FBXL13: variants seen among roughly 807,000 people sequenced by gnomAD.
FBXL13 encodes F-box and leucine rich repeat protein 13.
A neutral mutation model predicts 83.6 loss-of-function variants in FBXL13; 67 were observed. That is an observed-to-expected ratio of 0.80 (90% CI 0.66 to 0.98). FBXL13 has a LOEUF of 0.98. Among genes scored for constraint, FBXL13 ranks in the 50% least tolerant of loss-of-function variants. FBXL13 has a pLI of 0.00. For synonymous variants in FBXL13, 272 were observed against 299.5 expected (o/e 0.91, Z 0.95); for missense variants, 822 against 866.5 (o/e 0.95, Z 0.64).
chr7:102,884,499 A>G (rs1810535143), intron 11 of FBXL13, among the ~76,000 whole-genome samples, 187 bp from the exon 13 acceptor site: 1 of 152,198 alleles, frequency 6.6e-6, no homozygotes, highest in African/African-American at 2.4e-5. Flanking sequence ...TTATCGAGGT[A>G]AAATTTATAT....
At chr7:102,967,044 A>T (rs569739384) in intron 7 of FBXL13, among the ~76,000 whole-genome samples, 2 of 151,760 alleles carry the variant, frequency 1.3e-5, no homozygotes, top group East Asian at 3.9e-4. Flanking sequence ...ATCTTGGCTC[A>T]TTGCAACCTC....
chr7:102,879,904 C>T (rs1809793535), intron 14 of FBXL13, among the ~76,000 whole-genome samples: 1 of 152,138 alleles, frequency 6.6e-6, no homozygotes, highest in Non-Finnish European at 1.5e-5. Context: ...GACGGGGTTT[C>T]ACCATGTTAG....
intron 5 of FBXL13, among the ~76,000 whole-genome samples, chr7:103,027,071 A>T (rs572756704): frequency 6.6e-6 from 1 of 152,282 alleles, no homozygotes; most frequent in East Asian, 1.9e-4. Context: ...AGGCGGGCAG[A>T]TCACCTGAGG....
intron 8 of FBXL13, among the ~76,000 whole-genome samples, chr7:102,942,954 C>G (rs1483279255): frequency 2.0e-5 from 3 of 152,044 alleles, no homozygotes; most frequent in African/African-American, 4.8e-5. Context: ...ACAGATAACC[C>G]AGGTGTAGAT....
At chr7:103,052,675 A>G (rs1796937938) in intron 2 of FBXL13, among the ~76,000 whole-genome samples, 1 of 152,124 alleles carries the variant, frequency 6.6e-6, no homozygotes, top group Non-Finnish European at 1.5e-5. Flanking sequence ...GCAAACTGTC[A>G]TAACTCTAAG....
chr7:102,812,654 T>TA (rs1797493962), downstream of FBXL13, among the ~76,000 whole-genome samples: 1 of 152,170 alleles, frequency 6.6e-6, no homozygotes, highest in Admixed American at 6.5e-5. Context: ...CTCAAACTCT[T>TA]AGTTTGACAT....
chr7:102,867,957 C>T (rs976306293), intron 16 of FBXL13, among the ~76,000 whole-genome samples: 3 of 151,710 alleles, frequency 2.0e-5, no homozygotes, highest in African/African-American at 7.3e-5. Context: ...CCACCTCGGC[C>T]TCCCAAAGTG....
chr7:102,849,415 T>C (rs964548853), intron 17 of FBXL13, among the ~76,000 whole-genome samples: 2 of 152,220 alleles, frequency 1.3e-5, no homozygotes, highest in Non-Finnish European at 2.9e-5. Flanking sequence ...TTTTTTATTC[T>C]TATTATGTTC....
chr7:102,970,207 T>A (rs1826471438), intron 6 of FBXL13, among the ~76,000 whole-genome samples: 1 of 150,458 alleles, frequency 6.6e-6, no homozygotes. Context: ...GCCATGGTCA[T>A]GCGACTGCAC....
chr7:102,967,334 ACG>A (rs1826085628), intron 7 of FBXL13, among the ~76,000 whole-genome samples: 1 of 148,692 alleles, frequency 6.7e-6, no homozygotes, highest in African/African-American at 2.5e-5. Flanking sequence ...GTGCAGTGGC[ACG>A]GTCTCAGCTC....
chr7:103,003,562 G>A (rs907700493), intron 6 of FBXL13, among the ~76,000 whole-genome samples: 1 of 151,862 alleles, frequency 6.6e-6, no homozygotes, highest in African/African-American at 2.4e-5. Context: ...TGGGATTACA[G>A]GTGTGAGCCC....
At chr7:102,983,813 C>T (rs1203455050) in intron 6 of FBXL13, among the ~76,000 whole-genome samples, 6 of 152,122 alleles carry the variant, frequency 3.9e-5, no homozygotes, top group Non-Finnish European at 8.8e-5. Flanking sequence ...AACTGGGTCA[C>T]AGGATGAGAT....
chr7:103,048,251 G>A (rs1479456097), intron 2 of FBXL13, among the ~76,000 whole-genome samples: 5 of 151,914 alleles, frequency 3.3e-5, no homozygotes, highest in Admixed American at 6.6e-5. Flanking sequence ...TAAAACACTT[G>A]ATATTATGAA....
At chr7:102,901,637 C>T (rs1387095574) in intron 11 of FBXL13, among the ~76,000 whole-genome samples, 1 of 152,068 alleles carries the variant, frequency 6.6e-6, no homozygotes, top group Non-Finnish European at 1.5e-5. Flanking sequence ...TATTAGATCC[C>T]ACAAATAAGT....
chr7:102,821,350 T>G lies in FBXL13; in HGVS notation c.2018+690A>C, dbSNP rs145830457. Reference sequence around the variant, plus strand: ...GTGGGAATGTCTATTTTACAAGTAATTTTTCTTTCTTTTTTCCATTTCATT... The same window carrying G: ...GTGGGAATGTCTATTTTACAAGTAAGTTTTCTTTCTTTTTTCCATTTCATT... On this transcript the variant is annotated intron_variant, in intron 19 of 19. Transcript: ENST00000313221. Among the ~76,000 whole-genome samples, 55 of 152,294 alleles carry G rather than the reference T, an allele frequency of 3.6e-4. No homozygotes were observed. The East Asian group carries it at 6.9e-3, about 19-fold the overall frequency.
At chr7:102,913,103 G>A (rs763482414) in exon 11 of FBXL13, 1 of 1,614,202 alleles carries the variant, frequency 6.2e-7, no homozygotes, top group Non-Finnish European at 8.5e-7. Flanking sequence ...CAGCCAGAGA[G>A]GTCCAGATAG....
intron 6 of FBXL13, among the ~76,000 whole-genome samples, chr7:103,022,610 T>C (rs1325176531): frequency 1.3e-5 from 2 of 152,192 alleles, no homozygotes; most frequent in African/African-American, 4.8e-5. Flanking sequence ...CTGGGATAAC[T>C]GGCTAGCCAC....
At chr7:103,060,169 C>G (rs974114176) in intron 1 of FBXL13, among the ~76,000 whole-genome samples, 1 of 150,138 alleles carries the variant, frequency 6.7e-6, no homozygotes, top group African/African-American at 2.4e-5. Context: ...AGGCAATCCT[C>G]CCACCTCAGC....
intron 8 of FBXL13, among the ~76,000 whole-genome samples, chr7:102,946,799 C>T (rs1291770689): frequency 2.0e-5 from 3 of 151,956 alleles, no homozygotes; most frequent in African/African-American, 7.3e-5. Flanking sequence ...CTCAGCCTCC[C>T]GAGTAGCTGG....
Sources: gnomAD v4.1 joint callset for allele counts (sites outside exome capture counted in the v4.1 genomes callset) on GRCh38, gnomAD v4.1.1 for gene constraint, MANE v1.5 for transcripts, NCBI Gene and HGNC (gene_info 2026-07-23, HGNC 2026-07-21) for gene names.